Variants in C1orf167 observed in about 807,000 individuals in gnomAD.
C1orf167 encodes the protein uncharacterized protein C1orf167.
A neutral mutation model predicts 176.5 loss-of-function variants in C1orf167; 153 were observed. The observed-to-expected ratio is 0.87, with a 90% CI of 0.76 to 0.99. The LOEUF (loss-of-function observed/expected upper bound fraction) is 0.99, where lower values mean the gene tolerates loss of function less well. Among genes scored for constraint, C1orf167 ranks in the 50% least tolerant of loss-of-function variants. The pLI is 0.00. For synonymous variants in C1orf167, 594 were observed against 752.7 expected, an observed-to-expected ratio of 0.79 and a Z score of 3.45; for missense variants, 1,490 against 1,817.7, an observed-to-expected ratio of 0.82 and a Z score of 3.28.
At position 11,771,644 on chromosome 1, in the gene C1orf167, G is replaced by T; in HGVS notation, c.1810+8G>T. 2 of 1,288,786 alleles carry T rather than the reference G, an allele frequency of 1.6e-6. No individual in the cohort carries two copies. The highest frequency in any genetic ancestry group is 2.5e-5 in the South Asian group (2 of 81,008). The allele number at this position is 1,288,786 out of a possible 1,614,324, so 79.8% of individuals were successfully genotyped here. A position where few individuals can be genotyped will look rare whatever the true frequency, so the allele number is the denominator to read the frequency against. On this transcript the variant is annotated splice_region_variant and intron_variant, in intron 7 of 20. Coordinates refer to ENST00000688073, the MANE Select transcript of C1orf167 (RefSeq NM_001010881.2). ...AGGCCCTGCAACTGGCTGGTGAGAC[G>T]TGGGGTGCTGGGAAAGCGGGGAGAT...
chr1:11,779,153 T>C (rs1490682172), intron 12 of C1orf167, 73 bp downstream of exon 12: 4 of 1,190,988 alleles, frequency 3.4e-6, no homozygotes, highest in Non-Finnish European at 4.3e-6. Context: ...CTTCCACCCT[T>C]GGCCTTCACA....
intron 14 of C1orf167, among the ~76,000 whole-genome samples, chr1:11,783,889 C>T (rs955927760): frequency 6.6e-6 from 1 of 152,118 alleles, no homozygotes; most frequent in Non-Finnish European, 1.5e-5. Flanking sequence ...TGGAGTTTCA[C>T]TCTTGTCACC....
In C1orf167 at chr1:11,767,264, G is replaced by A; in HGVS notation, c.1343G>A (p.Cys448Tyr). ...NITAPESEAI[C>Y]WQLLSRCFRS... is the part of the protein sequence containing the mutation. ...ACAGCCCCAGAGTCTGAGGCAATCT[G>A]GTGAGGCCATGGCTGGGTGGGGACA... The change falls in exon 4 of 21, where the codon TGC becomes TAC. Residue 448 changes from cysteine to tyrosine, a missense_variant and splice_region_variant. Transcript: ENST00000688073. 1 of 1,289,632 alleles carries A rather than the reference G, an allele frequency of 7.8e-7. No individual in the cohort carries two copies. 79.9% of individuals were successfully genotyped at this position (1,289,632 alleles called of 1,614,324 possible).
intron 17 of C1orf167, 61 bp downstream of exon 17, chr1:11,787,554 C>T: frequency 8.6e-7 from 1 of 1,160,916 alleles, no homozygotes; most frequent in Non-Finnish European, 1.1e-6. Flanking sequence ...AAGCGGTCTC[C>T]AGTCCTCAGG....
At chr1:11,784,048 G>A in intron 14 of C1orf167, 126 bp from the exon 15 acceptor site, 2 of 817,438 alleles carry the variant, frequency 2.4e-6, no homozygotes, top group Non-Finnish European at 3.3e-6. Flanking sequence ...AATAGAGACG[G>A]GGTTTCACCA....
At chr1:11,785,996 G>A (rs1385199444) in intron 16 of C1orf167, 1 of 150,876 alleles carries the variant, frequency 6.6e-6, no homozygotes, top group Non-Finnish European at 1.5e-5. Context: ...ACTTCCCAAA[G>A]TGCTGGGATT....
rs910669952 is a variant in C1orf167 at position 11,778,837 on chromosome 1, G to A, written c.2496+21G>A. ...AGAAGGTGAGAGGTAGGAGGGTGGG[G>A]AGGGGCTGGGGCAGGTAGGGGTGGA... On this transcript the variant is annotated intron_variant, in intron 11 of 20. Transcript: ENST00000688073. 8.5e-6 allele frequency: 11 copies of A among 1,290,962 alleles called. No individual in the cohort carries two copies. In the Admixed American group the frequency reaches 1.4e-4, roughly 16 times the overall value. 80.0% of individuals were successfully genotyped at this position (1,290,962 alleles called of 1,614,324 possible).
chr1:11,769,113 G>A lies in C1orf167; in HGVS notation c.1683G>A (p.Arg561=). ...STVVDPAQRS[R]LEHTSPGSLR... is the part of the protein sequence containing the mutation. ...TGGTGGACCCCGCCCAGAGAAGCAGGCTGGAACACACCAGGTTGGTCAGTG... is the reference window on the plus strand; with the variant it reads ...TGGTGGACCCCGCCCAGAGAAGCAGACTGGAACACACCAGGTTGGTCAGTG... Residue 561 remains arginine, a synonymous_variant, in exon 6 of 21, where the codon AGG becomes AGA. Transcript: ENST00000688073. 2.0e-6 allele frequency: 2 copies of A among 985,942 alleles called. No homozygotes were observed. Among genetic ancestry groups the A allele is most frequent in the Non-Finnish European group, 2.4e-6 (2 of 829,982 alleles). The allele number at this position is 985,942 out of a possible 1,614,324, so 61.1% of individuals were successfully genotyped here. A position where few individuals can be genotyped will look rare whatever the true frequency, so the allele number is the denominator to read the frequency against.
chr1:11,786,034 A>G (rs967421796), intron 16 of C1orf167: 3 of 7,938 alleles, frequency 3.8e-4, no homozygotes, highest in Admixed American at 2.5e-3. Flanking sequence ...CGCCAGGCCA[A>G]GTTTTTTTTT....
Position 11,788,194 on chromosome 1 carries a change from C to T in C1orf167, c.3894C>T (p.Gly1298=). Residue 1298 remains glycine, a synonymous_variant, in exon 19 of 21, where the codon GGC becomes GGT. Coordinates refer to ENST00000688073, the MANE Select transcript of C1orf167 (RefSeq NM_001010881.2). ...TGGAAAAGCAGGCCCAGGCCCATGG[C>T]TCTGCCCTCCTTCTGGCCCTGAAGG... The part of the protein sequence containing the change: ...RILEKQAQAH[G]SALLLALKGH... 7.7e-7 allele frequency: 1 copy of T among 1,298,886 alleles called. No individual in the cohort carries two copies. The highest frequency in any genetic ancestry group is 1.0e-6 in the Non-Finnish European group (1 of 984,610). 80.5% of individuals were successfully genotyped at this position (1,298,886 alleles called of 1,614,324 possible).
In C1orf167 at chr1:11,768,025, C is replaced by T. The variant is rs142249973; in HGVS notation, c.1344-52C>T. The T allele has an allele frequency of 2.4e-4, 287 of 1,216,622 alleles. 1 individual carries two copies. The African/African-American group carries it at 4.1e-3, about 18-fold the overall frequency. The allele number at this position is 1,216,622 out of a possible 1,614,324, so 75.4% of individuals were successfully genotyped here. Reference sequence around the variant, plus strand: ...GAGGGTATCCAGCCACTGGGCTGTCCCTGGGGATAGGAGGGCAGTCCACAC... The same window carrying T: ...GAGGGTATCCAGCCACTGGGCTGTCTCTGGGGATAGGAGGGCAGTCCACAC... On this transcript the variant is annotated intron_variant, in intron 4 of 20. Coordinates refer to ENST00000688073, the MANE Select transcript of C1orf167 (RefSeq NM_001010881.2). This position sits in a 1 kb window ranked among gnomAD's most constrained non-coding sequence, Gnocchi z 4.5.
Position 11,766,040 on chromosome 1 carries a change from C to T in C1orf167, c.254C>T (p.Ala85Val). ...AGCCCTGGTCCCCGCCTGGGCCTAG[C>T]TCTGAAGGACACGACTGGCCAACTG... ...LASPGPRLGL[A>V]LKDTTGQLVN... The change falls in exon 3 of 21, where the codon GCT becomes GTT. Residue 85 changes from alanine (A) to valine (V), a missense_variant. Physicochemically the swap from Ala to Val is moderately conservative, Grantham distance 64. Coordinates refer to ENST00000688073, the MANE Select transcript of C1orf167 (RefSeq NM_001010881.2). This position sits in a 1 kb window ranked among gnomAD's most constrained non-coding sequence, Gnocchi z 4.5. 1 of 1,289,884 alleles carries T rather than the reference C, an allele frequency of 7.8e-7. No homozygotes were observed. Among genetic ancestry groups the T allele is most frequent in the Non-Finnish European group, 1.0e-6 (1 of 988,870 alleles). The allele number at this position is 1,289,884 out of a possible 1,614,324, so 79.9% of individuals were successfully genotyped here. A position where few individuals can be genotyped will look rare whatever the true frequency, so the allele number is the denominator to read the frequency against.
In C1orf167 at chr1:11,771,140, A is replaced by G. The variant is rs1445257988; in HGVS notation, c.1698-384A>G. Among the ~76,000 whole-genome samples, 3 of 139,358 alleles carry G rather than the reference A, an allele frequency of 2.2e-5. No homozygotes were observed. In the East Asian group the frequency reaches 6.2e-4, roughly 29 times the overall value. The allele number at this position is 139,358 out of a possible 152,430, so 91.4% of individuals were successfully genotyped here. On this transcript the variant is annotated intron_variant, in intron 6 of 20. Transcript: ENST00000688073. ...CACTATGTCGGCCAGGCTGGTCTCA[A>G]ACTCCTGGCTTCAAGTGATCTGCCC... is the stretch of plus-strand genomic sequence containing the variant.
chr1:11,765,208 C>T (rs996511185), intron 2 of C1orf167, among the ~76,000 whole-genome samples: 2 of 152,128 alleles, frequency 1.3e-5, no homozygotes, highest in Non-Finnish European at 2.9e-5. Context: ...CCTCTCTGAG[C>T]TTTAGTTCCC....
At chr1:11,762,373 G>C in intron 1 of C1orf167, 68 bp downstream of exon 1, 1 of 354,748 alleles carries the variant, frequency 2.8e-6, no homozygotes, top group Non-Finnish European at 5.6e-6. Context: ...GAGGGAGGCT[G>C]TGAGCCCCCT....
chr1:11,784,262 G>A lies in C1orf167; in HGVS notation c.3094G>A (p.Ala1032Thr). ...QAFQDGLRRR[A>T]LGAVFATWRE... is the part of the protein sequence containing the mutation. ...CTTTCAGGATGGCCTGAGGAGAAGA[G>A]CACTGGGGGCCGTGTTTGCCACATG... is the stretch of plus-strand genomic sequence containing the variant. The change falls in exon 15 of 21, where the codon GCA becomes ACA. Residue 1032 changes from alanine to threonine, a missense_variant. Ala to Thr is a moderately conservative substitution (Grantham distance 58). Coordinates refer to ENST00000688073, the MANE Select transcript of C1orf167 (RefSeq NM_001010881.2). The A allele has an allele frequency of 7.7e-7, 1 of 1,302,470 alleles. No homozygotes were observed. Among genetic ancestry groups the A allele is most frequent in the South Asian group, 1.2e-5 (1 of 80,680 alleles). The allele number at this position is 1,302,470 out of a possible 1,614,324, so 80.7% of individuals were successfully genotyped here.
chr1:11,779,883 C>T lies in C1orf167; in HGVS notation c.2733C>T (p.Thr911=). 7.7e-7 allele frequency: 1 copy of T among 1,303,194 alleles called. No homozygotes were observed. The highest frequency in any genetic ancestry group is 1.0e-6 in the Non-Finnish European group (1 of 988,868). 80.7% of individuals were successfully genotyped at this position (1,303,194 alleles called of 1,614,324 possible). The change falls in exon 13 of 21, where the codon ACC becomes ACT. Residue 911 remains threonine (T), a synonymous_variant. Coordinates refer to ENST00000688073, the MANE Select transcript of C1orf167 (RefSeq NM_001010881.2). ...CTTCCCACCGGGCCTGGGATCGGAC[C>T]TGCAGGGCTGTGCTGGGCCTGTGGC... ...ELASHRAWDR[T]CRAVLGLWRQ...
At chr1:11,764,059 G>A (rs756587099) in intron 1 of C1orf167, among the ~76,000 whole-genome samples, 3 of 152,142 alleles carry the variant, frequency 2.0e-5, no homozygotes, top group Non-Finnish European at 2.9e-5. Context: ...GGAGGAGGTC[G>A]CTGGACCTGC....
chr1:11,772,472 G>A (rs1643127835), intron 8 of C1orf167, among the ~76,000 whole-genome samples: 1 of 152,118 alleles, frequency 6.6e-6, no homozygotes, highest in Admixed American at 6.6e-5. Context: ...CCACCATGTT[G>A]CCCAGGCTGG....
Sources: gnomAD v4.1 joint callset for allele counts (sites outside exome capture counted in the v4.1 genomes callset) on GRCh38, gnomAD v4.1.1 for gene constraint, Gnocchi (gnomAD v3.1) non-coding constraint, MANE v1.5 for transcripts, NCBI Gene and HGNC (gene_info 2026-07-23, HGNC 2026-07-21) for gene names.